ADGB: variants seen among roughly 807,000 people sequenced by gnomAD.
The protein encoded by ADGB is androglobin, also known as calpain-7-like protein.
A neutral mutation model predicts 210.5 loss-of-function variants in ADGB; 172 were observed. The ratio of observed to expected loss-of-function variants is 0.82; its 90% CI spans 0.72 to 0.93. The LOEUF is 0.93. Among genes scored for constraint, ADGB ranks in the 40% least tolerant of loss-of-function variants. The pLI, the probability that ADGB is intolerant of heterozygous loss-of-function variation, is 0.00. For synonymous variants in ADGB, 658 were observed against 662.7 expected, an observed-to-expected ratio of 0.99 and a Z score of 0.11; for missense variants, 2,025 against 1,964.8, an observed-to-expected ratio of 1.03 and a Z score of -0.58.
At chr6:146,632,846 C>G (rs1016198012) in intron 1 of ADGB, among the ~76,000 whole-genome samples, 2 of 152,082 alleles carry the variant, frequency 1.3e-5, no homozygotes, top group Admixed American at 6.6e-5. Flanking sequence ...GACACTGACC[C>G]AGCATTGTGG....
intron 9 of ADGB, among the ~76,000 whole-genome samples, chr6:146,679,266 T>C (rs1314668622): frequency 2.0e-5 from 3 of 152,264 alleles, no homozygotes; most frequent in African/African-American, 7.2e-5. Context: ...CAGATACCCC[T>C]TTCACTCTTC....
intron 11 of ADGB, among the ~76,000 whole-genome samples, 194 bp from the exon 12 acceptor site, chr6:146,692,631 A>G (rs1281101692): frequency 1.3e-5 from 2 of 152,338 alleles, no homozygotes; most frequent in East Asian, 3.9e-4. Context: ...GACAAAAGAA[A>G]TTGAATACCG....
In ADGB at chr6:146,815,241, TG is replaced by T. The variant is rs1387124914; in HGVS notation, c.*25del. The T allele has an allele frequency of 6.8e-7, 1 of 1,462,246 alleles. No individual in the cohort carries two copies. The highest frequency in any genetic ancestry group is 1.5e-5 in the African/African-American group (1 of 68,030). The allele number at this position is 1,462,246 out of a possible 1,614,324, so 90.6% of individuals were successfully genotyped here. A position where few individuals can be genotyped will look rare whatever the true frequency, so the allele number is the denominator to read the frequency against. On this transcript the variant is annotated 3_prime_UTR_variant, in exon 36 of 36. Coordinates refer to ENST00000397944, the MANE Select transcript of ADGB (RefSeq NM_024694.4). ...AACCAGGGGATGTCCAATACTACCC[TG>T]CTTCTGGAGAGAAAAAATCTATTTG...
chr6:146,714,190 A>G (rs908405724), intron 13 of ADGB, among the ~76,000 whole-genome samples: 1 of 152,214 alleles, frequency 6.6e-6, no homozygotes, highest in African/African-American at 2.4e-5. Context: ...AAGGCACCAA[A>G]GAGTTGCTGA....
At chr6:146,611,048 C>CA (rs1780701819) in intron 1 of ADGB, among the ~76,000 whole-genome samples, 2 of 152,052 alleles carry the variant, frequency 1.3e-5, no homozygotes, top group Non-Finnish European at 2.9e-5. Context: ...AGGGAGGCTG[C>CA]AGGTGAGTGC....
intron 35 of ADGB, chr6:146,807,726 T>A (rs1391394897): frequency 1.4e-5 from 10 of 722,184 alleles, no homozygotes; most frequent in Non-Finnish European, 2.1e-5. Context: ...TGCTAACTTG[T>A]TAGTTTTCCT....
intron 20 of ADGB, 117 bp from the exon 21 acceptor site, chr6:146,733,003 G>A (rs770474829): frequency 1.9e-4 from 145 of 775,730 alleles, no homozygotes; most frequent in African/African-American, 1.3e-4. Flanking sequence ...GTTAGGTTGC[G>A]TGTACATCTG....
chr6:146,724,407 T>C (rs1583607564), intron 18 of ADGB, 80 bp downstream of exon 18: 2 of 1,364,592 alleles, frequency 1.5e-6, no homozygotes, highest in Non-Finnish European at 9.8e-7. Context: ...AAGTAAACAA[T>C]ATGGACTCTA....
At chr6:146,614,927 G>A (rs1780771674) in intron 1 of ADGB, among the ~76,000 whole-genome samples, 1 of 152,126 alleles carries the variant, frequency 6.6e-6, no homozygotes, top group Non-Finnish European at 1.5e-5. Flanking sequence ...TTGAGACAGA[G>A]TCTCGCTCTG....
intron 13 of ADGB, among the ~76,000 whole-genome samples, chr6:146,714,322 T>C (rs904069527): frequency 6.6e-6 from 1 of 152,086 alleles, no homozygotes; most frequent in Non-Finnish European, 1.5e-5. Context: ...CTTGTTTTTT[T>C]TTTTTTCCCC....
intron 35 of ADGB, among the ~76,000 whole-genome samples, chr6:146,812,107 C>A (rs552555278): frequency 1.3e-5 from 2 of 152,274 alleles, no homozygotes; most frequent in South Asian, 4.1e-4. Context: ...TCAAAGCATA[C>A]TTCTCTGGGA....
intron 1 of ADGB, among the ~76,000 whole-genome samples, chr6:146,614,219 C>CCCTTCCTCCCTT (rs1780755915): frequency 2.1e-5 from 1 of 48,554 alleles, no homozygotes; most frequent in African/African-American, 5.6e-5. Flanking sequence ...CTTCCTTCCT[C>CCCTTCCTCCCTT]CCTTCCTTCC....
intron 12 of ADGB, among the ~76,000 whole-genome samples, chr6:146,699,469 G>A (rs888044502): frequency 8.5e-5 from 13 of 152,118 alleles, no homozygotes; most frequent in African/African-American, 2.7e-4. Context: ...CCTTTCCTCT[G>A]TCACTTTCTT....
At chr6:146,807,690 ATTG>A (rs1197504385) in intron 35 of ADGB, 2 of 926,514 alleles carry the variant, frequency 2.2e-6, no homozygotes, top group Non-Finnish European at 3.1e-6. Context: ...GAAAATAGAA[ATTG>A]TTCTTTCTTA....
chr6:146,659,805 A>G (rs1245817398), intron 5 of ADGB, among the ~76,000 whole-genome samples: 3 of 152,124 alleles, frequency 2.0e-5, no homozygotes, highest in Admixed American at 1.3e-4. Flanking sequence ...CAATGGCAGC[A>G]TTCCTTTGGG....
chr6:146,770,885 C>T (rs1161648282), intron 29 of ADGB, among the ~76,000 whole-genome samples: 7 of 152,040 alleles, frequency 4.6e-5, no homozygotes, highest in East Asian at 1.9e-4. Flanking sequence ...AAAACACTTT[C>T]GCACATTCCC....
chr6:146,621,531 G>A (rs1312780484), intron 1 of ADGB, among the ~76,000 whole-genome samples: 1 of 152,140 alleles, frequency 6.6e-6, no homozygotes, highest in African/African-American at 2.4e-5. Flanking sequence ...ATCCTCTTGA[G>A]TGGTTATGCC....
chr6:146,729,654 T>C (rs1029070865), intron 20 of ADGB, among the ~76,000 whole-genome samples: 1 of 152,132 alleles, frequency 6.6e-6, no homozygotes, highest in African/African-American at 2.4e-5. Context: ...ATATTGCCTA[T>C]GGTGGTCTTC....
intron 1 of ADGB, among the ~76,000 whole-genome samples, chr6:146,609,170 T>A (rs1416358971): frequency 6.6e-6 from 1 of 152,222 alleles, no homozygotes; most frequent in Non-Finnish European, 1.5e-5. Context: ...GTCTGTTTTG[T>A]CTGAAATAAG....
Sources: gnomAD v4.1 joint callset for allele counts (sites outside exome capture counted in the v4.1 genomes callset) on GRCh38, gnomAD v4.1.1 for gene constraint, MANE v1.5 for transcripts, NCBI Gene and HGNC (gene_info 2026-07-23, HGNC 2026-07-21) for gene names.